The following MTREX variants were observed in gnomAD, a reference collection of about 807,000 sequenced individuals.
MTREX encodes the protein Mtr4 exosome RNA helicase.
A neutral mutation model predicts 135.4 loss-of-function variants in MTREX; 76 were observed. That is an observed-to-expected ratio of 0.56 (90% CI 0.47 to 0.68). MTREX has a LOEUF of 0.68. Among genes scored for constraint, MTREX ranks in the 30% least tolerant of loss-of-function variants. The probability of loss-of-function intolerance (pLI) is 0.00; values close to 1 mark genes in which losing one functional copy is unlikely to be tolerated. For missense variants in MTREX, 920 were observed against 1,262.1 expected (o/e 0.73, Z 4.11); for synonymous variants, 404 against 401.6 (o/e 1.01, Z -0.07).
At chr5:55,393,897 G>A (rs1430825071) in intron 19 of MTREX, among the ~76,000 whole-genome samples, 6 of 152,174 alleles carry the variant, frequency 3.9e-5, no homozygotes, top group African/African-American at 1.2e-4. Flanking sequence ...TTTATAAAAT[G>A]TCATGTTTCT....
intron 5 of MTREX, among the ~76,000 whole-genome samples, chr5:55,333,794 A>T (rs1353346786): frequency 2.0e-5 from 3 of 152,236 alleles, no homozygotes; most frequent in Non-Finnish European, 4.4e-5. Context: ...TGTAGAATGT[A>T]ATGTGTTTGT....
rs892972961 is a variant in MTREX, at chr5:55,324,370, A to C, written c.339+172A>C. The stretch of plus-strand genomic sequence containing the variant: ...GCTTTGTAATTAAACTTGGGTTCAG[A>C]TCCTCCCCCAGCATTTTTCTTAACT... On this transcript the variant is annotated intron_variant, in intron 3 of 26. Transcript: ENST00000230640. The C allele has an allele frequency of 5.1e-4, 138 of 270,922 alleles. 1 individual carries two copies. Among genetic ancestry groups the C allele is most frequent in the Admixed American group, 5.9e-4 (10 of 16,910 alleles). 16.8% of individuals were successfully genotyped at this position (270,922 alleles called of 1,614,324 possible).
At chr5:55,358,427 T>G in intron 14 of MTREX, 146 bp from the exon 15 acceptor site, 1 of 669,872 alleles carries the variant, frequency 1.5e-6, no homozygotes, top group Non-Finnish European at 2.3e-6. Flanking sequence ...TGACTTTAAC[T>G]CTTCTCAAAC....
intron 1 of MTREX, among the ~76,000 whole-genome samples, chr5:55,308,348 G>C (rs1561180265): frequency 6.6e-6 from 1 of 152,054 alleles, no homozygotes; most frequent in Non-Finnish European, 1.5e-5. Flanking sequence ...GGTGTCTGCA[G>C]GCAGCGTGAT....
At chr5:55,392,597 A>C (rs181128068) in intron 19 of MTREX, among the ~76,000 whole-genome samples, 19 of 151,550 alleles carry the variant, frequency 1.3e-4, no homozygotes, top group African/African-American at 4.1e-4. Flanking sequence ...CTTTGTATGC[A>C]TATTGCAGCA....
chr5:55,404,670 A>G (rs1750773535), intron 21 of MTREX, among the ~76,000 whole-genome samples: 2 of 152,274 alleles, frequency 1.3e-5, no homozygotes, highest in Admixed American at 1.3e-4. Context: ...AGCCTATCCT[A>G]AATTCACCAC....
chr5:55,340,612 C>T (rs562372480), intron 6 of MTREX, among the ~76,000 whole-genome samples: 20 of 152,190 alleles, frequency 1.3e-4, no homozygotes, highest in Admixed American at 2.0e-4. Context: ...GATGGAGTCT[C>T]GTTCTGTCTC....
intron 23 of MTREX, among the ~76,000 whole-genome samples, chr5:55,412,809 A>C (rs1490241217): frequency 6.6e-6 from 1 of 152,208 alleles, no homozygotes; most frequent in East Asian, 1.9e-4. Context: ...TAGACATAAT[A>C]TCAAAGACAT....
At chr5:55,410,656 ATTTATTAAT>A in intron 23 of MTREX, 27 bp downstream of exon 23, 1 of 1,386,092 alleles carries the variant, frequency 7.2e-7, no homozygotes, top group South Asian at 1.2e-5. Flanking sequence ...AGCACATCTT[ATTTATTAAT>A]TCACACATCA....
At chr5:55,333,052 T>C (rs1255340606) in intron 5 of MTREX, among the ~76,000 whole-genome samples, 1 of 152,150 alleles carries the variant, frequency 6.6e-6, no homozygotes, top group Non-Finnish European at 1.5e-5. Flanking sequence ...TACTAAAACA[T>C]TGTGAATTTT....
chr5:55,343,855 T>C (rs908113399), intron 8 of MTREX, among the ~76,000 whole-genome samples: 2 of 152,180 alleles, frequency 1.3e-5, no homozygotes, highest in African/African-American at 4.8e-5. Flanking sequence ...ATTTGATTTT[T>C]CTCATGTAAA....
intron 1 of MTREX, among the ~76,000 whole-genome samples, chr5:55,315,414 G>T (rs1461423670): frequency 6.6e-6 from 1 of 151,934 alleles, no homozygotes; most frequent in Admixed American, 6.6e-5. Context: ...GGTTTTATTT[G>T]TTACATGTGC....
chr5:55,376,854 G>A (rs1750310446), intron 16 of MTREX, among the ~76,000 whole-genome samples: 1 of 152,122 alleles, frequency 6.6e-6, no homozygotes, highest in Non-Finnish European at 1.5e-5. Flanking sequence ...TGGATCACTT[G>A]AGGTCAGGAG....
At chr5:55,336,826 ACT>A (rs1561190091) in intron 5 of MTREX, among the ~76,000 whole-genome samples, 1 of 151,906 alleles carries the variant, frequency 6.6e-6, no homozygotes, top group East Asian at 1.9e-4. Flanking sequence ...TAGAGAGCTG[ACT>A]CTGGTTTATT....
chr5:55,389,699 T>C (rs901415815), intron 19 of MTREX, among the ~76,000 whole-genome samples: 24 of 152,162 alleles, frequency 1.6e-4, no homozygotes, highest in African/African-American at 2.4e-5. Context: ...AGGGAAGCCA[T>C]ATGTACAGAG....
At chr5:55,375,221 G>A (rs191674239) in intron 16 of MTREX, among the ~76,000 whole-genome samples, 2 of 152,166 alleles carry the variant, frequency 1.3e-5, no homozygotes, top group African/African-American at 4.8e-5. Flanking sequence ...AGGAGACAGG[G>A]TTTTGAGATC....
Position 55,308,001 on chromosome 5 carries a change from A to C in MTREX, c.-13A>C. 3.1e-6 allele frequency: 5 copies of C among 1,614,106 alleles called. No homozygotes were observed. The East Asian group carries it at 6.7e-5, about 22-fold the overall frequency. ...GTGGGTAGGAGGGAGATTTGCTCTCACTGCTCCCAAAAATGGCGGACGCAT... is the reference window on the plus strand; with the variant it reads ...GTGGGTAGGAGGGAGATTTGCTCTCCCTGCTCCCAAAAATGGCGGACGCAT... On this transcript the variant is annotated 5_prime_UTR_variant, in exon 1 of 27. Coordinates refer to ENST00000230640, the MANE Select transcript of MTREX (RefSeq NM_015360.5).
intron 21 of MTREX, among the ~76,000 whole-genome samples, chr5:55,401,837 C>T (rs1750727329): frequency 6.6e-6 from 1 of 152,056 alleles, no homozygotes. Flanking sequence ...TTTTTTTCAA[C>T]TGGAATGTAT....
At chr5:55,389,840 TTA>T (rs894061382) in intron 19 of MTREX, among the ~76,000 whole-genome samples, 1 of 140,960 alleles carries the variant, frequency 7.1e-6, no homozygotes, top group Non-Finnish European at 1.5e-5. Flanking sequence ...TTACATATAA[TTA>T]TATATGTTTT....
Sources: allele counts gnomAD v4.1 joint callset (sites outside exome capture counted in the v4.1 genomes callset), GRCh38; gene constraint gnomAD v4.1.1; transcripts MANE v1.5; gene names NCBI Gene and HGNC (gene_info 2026-07-23, HGNC 2026-07-21).